Variants in ACOX1 observed in about 807,000 individuals in gnomAD.
ACOX1 encodes peroxisomal acyl-coenzyme A oxidase 1.
A neutral mutation model predicts 75.5 loss-of-function variants in ACOX1; 41 were observed. The ratio of observed to expected loss-of-function variants is 0.54; its 90% CI spans 0.42 to 0.70. The LOEUF (loss-of-function observed/expected upper bound fraction) is 0.70. Among genes scored for constraint, ACOX1 ranks in the 30% least tolerant of loss-of-function variants. ACOX1 has a pLI of 0.00. For synonymous variants in ACOX1, 303 were observed against 298.8 expected, an observed-to-expected ratio of 1.01 and a Z score of -0.15; for missense variants, 630 against 837.5, an observed-to-expected ratio of 0.75 and a Z score of 3.06.
chr17:75,968,384 C>G (rs370385529), intron 2 of ACOX1, among the ~76,000 whole-genome samples: 3 of 128,406 alleles, frequency 2.3e-5, no homozygotes, highest in Admixed American at 1.6e-4. Context: ...TGCAGTGAGC[C>G]GAGATCCCGC....
intron 4 of ACOX1, 31 bp downstream of exon 4, chr17:75,957,428 A>C (rs773740993): frequency 1.3e-6 from 2 of 1,560,206 alleles, no homozygotes; most frequent in Admixed American, 3.3e-5. Context: ...AACCTTCAAA[A>C]CATCCAATAA....
chr17:75,978,450 A>G lies in ACOX1; in HGVS notation c.269+84T>C. 1 of 1,550,464 alleles carries G rather than the reference A, an allele frequency of 6.4e-7. No homozygotes were observed. The highest frequency in any genetic ancestry group is 8.9e-7 in the Non-Finnish European group (1 of 1,123,486). ...ATGCCAGTTTGCATCTTCAAACACC[A>G]AGCACGGTGATGAAAGGCCACCATA... On this transcript the variant is annotated intron_variant, in intron 2 of 13. Transcript: ENST00000293217. The surrounding 1 kb of genome is among the most constrained non-coding windows in gnomAD (Gnocchi z 4.2).
intron 2 of ACOX1, among the ~76,000 whole-genome samples, chr17:75,975,687 TA>T (rs1281216264): frequency 1.3e-5 from 2 of 152,156 alleles, no homozygotes; most frequent in Non-Finnish European, 2.9e-5. Flanking sequence ...CTTATGCCTG[TA>T]ATCCCAGCAT....
intron 2 of ACOX1, chr17:75,973,839 C>T (rs2066019602): frequency 2.5e-6 from 4 of 1,579,868 alleles, no homozygotes; most frequent in Non-Finnish European, 3.5e-6. Flanking sequence ...CTGCATCCTA[C>T]AACCCCTTCT....
At chr17:75,972,424 A>G (rs1466605805) in intron 2 of ACOX1, among the ~76,000 whole-genome samples, 2 of 151,256 alleles carry the variant, frequency 1.3e-5, no homozygotes, top group African/African-American at 4.9e-5. Context: ...AGGTGGACAG[A>G]TCACCTGAGG....
At chr17:75,961,708 C>T (rs368399349) in intron 2 of ACOX1, among the ~76,000 whole-genome samples, 18 of 142,214 alleles carry the variant, frequency 1.3e-4, no homozygotes, top group African/African-American at 4.8e-4. Context: ...TGCAGTGAGC[C>T]GAGATCACAC....
At position 75,951,403 on chromosome 17, in the gene ACOX1, C is replaced by A; in HGVS notation, c.1107+12G>T. The A allele has an allele frequency of 6.2e-7, 1 of 1,614,016 alleles. No homozygotes were observed. The highest frequency in any genetic ancestry group is 8.5e-7 in the Non-Finnish European group (1 of 1,179,988). ...GAAGGGTGCCCATGAGTGAATGAGA[C>A]CAAACTCATACCTCAGGCAGTTCAC... On this transcript the variant is annotated intron_variant, in intron 8 of 13. Transcript: ENST00000293217.
At chr17:75,961,181 TA>T (rs2065884045) in intron 2 of ACOX1, among the ~76,000 whole-genome samples, 1 of 148,878 alleles carries the variant, frequency 6.7e-6, no homozygotes, top group South Asian at 2.1e-4. Context: ...TAATCCCAGC[TA>T]CTCAGGAGGC....
chr17:75,966,463 A>C (rs1408493957), intron 2 of ACOX1, among the ~76,000 whole-genome samples: 5 of 151,354 alleles, frequency 3.3e-5, no homozygotes. Context: ...TCTTAAAAAT[A>C]AATAAAAAAT....
chr17:75,948,532 A>G, intron 12 of ACOX1, 75 bp from the exon 13 acceptor site: 2 of 1,241,952 alleles, frequency 1.6e-6, no homozygotes, highest in Non-Finnish European at 1.1e-6. Flanking sequence ...ATATACAGCT[A>G]TAAAGCGGAT....
intron 7 of ACOX1, 59 bp from the exon 8 acceptor site, chr17:75,951,636 T>C (rs2065775312): frequency 5.8e-6 from 9 of 1,562,050 alleles, no homozygotes; most frequent in Non-Finnish European, 7.9e-6. Flanking sequence ...GAACTTTCTA[T>C]ATGCCAGGTT....
chr17:75,958,544 C>G lies in ACOX1; in HGVS notation c.431-978G>C, dbSNP rs534757912. 2.7e-5 allele frequency among the ~76,000 whole-genome samples: 4 copies of G among 147,978 alleles called. 1 individual carries two copies. The South Asian group carries it at 8.4e-4, about 31-fold the overall frequency. On this transcript the variant is annotated intron_variant, in intron 3 of 13. Coordinates refer to ENST00000293217, the MANE Select transcript of ACOX1 (RefSeq NM_004035.7). ...AAAATTAAAGCTGGGCACGGTGGCT[C>G]ACGCCTGTAATCCCAGCACTTTGGG... is the stretch of plus-strand genomic sequence containing the variant.
intron 2 of ACOX1, among the ~76,000 whole-genome samples, chr17:75,976,844 T>C (rs905760928): frequency 6.6e-6 from 1 of 152,104 alleles, no homozygotes; most frequent in Non-Finnish European, 1.5e-5. Context: ...ATTTAGTCTT[T>C]ACCGATGAAA....
intron 4 of ACOX1, among the ~76,000 whole-genome samples, chr17:75,957,244 C>A (rs530200368): frequency 6.6e-6 from 1 of 151,598 alleles, no homozygotes; most frequent in East Asian, 2.0e-4. Context: ...CCACACCCGG[C>A]TAATTTTTGT....
At position 75,946,785 on chromosome 17, in the gene ACOX1, G is replaced by T. The variant is rs1376598569; in HGVS notation, c.1946C>A (p.Ser649Tyr). The T allele has an allele frequency of 6.2e-7, 1 of 1,613,898 alleles. No homozygotes were observed. The highest frequency in any genetic ancestry group is 2.2e-5 in the East Asian group (1 of 44,880). The part of the protein sequence containing the change: ...SPLNKAEVHE[S>Y]YKHLKSLQSK... Reference sequence around the variant, plus strand: ...CTGCAGTGACTTCAGGTGCTTGTAAGATTCGTGGACCTGTGGGGAAAGGAG... The same window carrying T: ...CTGCAGTGACTTCAGGTGCTTGTAATATTCGTGGACCTGTGGGGAAAGGAG... Residue 649 changes from serine (S) to tyrosine (Y), a missense_variant, in exon 14 of 14, where the codon TCT (serine) becomes TAT (tyrosine). Physicochemically the swap from Ser to Tyr is moderately radical, Grantham distance 144 (BLOSUM62 -2). Transcript: ENST00000293217.
intron 6 of ACOX1, among the ~76,000 whole-genome samples, chr17:75,954,533 A>G (rs76777669): frequency 1.4e-5 from 2 of 143,958 alleles, no homozygotes; most frequent in Admixed American, 6.8e-5. Flanking sequence ...AAAAAAAAAA[A>G]AGGGGCATCA....
At chr17:75,955,993 C>A (rs748223985) in intron 4 of ACOX1, 46 bp from the exon 5 acceptor site, 1 of 1,612,890 alleles carries the variant, frequency 6.2e-7, no homozygotes, top group African/African-American at 1.3e-5. Context: ...AACGTTCATA[C>A]ATTTTTAAAG....
chr17:75,967,972 C>T (rs1357852045), intron 2 of ACOX1, among the ~76,000 whole-genome samples: 2 of 150,394 alleles, frequency 1.3e-5, no homozygotes, highest in Non-Finnish European at 3.0e-5. Flanking sequence ...CTCCTGATCT[C>T]AAGTGATCCA....
At chr17:75,947,448 T>A (rs1417518598) in intron 13 of ACOX1, among the ~76,000 whole-genome samples, 1 of 152,076 alleles carries the variant, frequency 6.6e-6, no homozygotes, top group Non-Finnish European at 1.5e-5. Flanking sequence ...GGTTTCTCCA[T>A]GTTGGTCAGG....
Sources: gnomAD v4.1 joint callset for allele counts (sites outside exome capture counted in the v4.1 genomes callset) on GRCh38, gnomAD v4.1.1 for gene constraint, Gnocchi (gnomAD v3.1) non-coding constraint, MANE v1.5 for transcripts, NCBI Gene and HGNC (gene_info 2026-07-23, HGNC 2026-07-21) for gene names.